Variants in PPEF1 observed in about 807,000 individuals in gnomAD.
PPEF1 encodes the protein serine/threonine-protein phosphatase with EF-hands 1.
A neutral mutation model predicts 53.3 loss-of-function variants in PPEF1; 12 were observed. The ratio of observed to expected loss-of-function variants is 0.23; its 90% CI spans 0.14 to 0.36. The LOEUF is 0.36. Ranked by LOEUF, PPEF1 falls within the 10% of genes least tolerant of loss-of-function variation. The pLI is 1.00. For synonymous variants in PPEF1, 165 were observed against 176.7 expected, an observed-to-expected ratio of 0.93 and a Z score of 0.52; for missense variants, 334 against 490.4, an observed-to-expected ratio of 0.68 and a Z score of 3.01.
At chrX:18,683,858 A>G (rs776007850) in intron 1 of PPEF1, among the ~76,000 whole-genome samples, 60 of 112,294 alleles carry the variant, frequency 5.3e-4, no homozygotes, top group African/African-American at 1.8e-3. Flanking sequence ...AGAAAGCTGC[A>G]TGGCTTGGCC....
intron 5 of PPEF1, among the ~76,000 whole-genome samples, chrX:18,760,661 G>A (rs1294704799): frequency 9.1e-6 from 1 of 110,358 alleles, no homozygotes; most frequent in Non-Finnish European, 1.9e-5. Flanking sequence ...AGGCTGGAGT[G>A]TGGTGGCATG....
intron 12 of PPEF1, among the ~76,000 whole-genome samples, chrX:18,809,432 G>T (rs918965283): frequency 9.0e-6 from 1 of 110,730 alleles, no homozygotes; most frequent in African/African-American, 3.3e-5. Context: ...TTGGCCAAGC[G>T]CAGTGGCTCA....
At chrX:18,739,669 C>T (rs2045095021) in intron 3 of PPEF1, among the ~76,000 whole-genome samples, 1 of 112,173 alleles carries the variant, frequency 8.9e-6, no homozygotes, top group African/African-American at 3.2e-5. Flanking sequence ...AGCTGTCAGA[C>T]AGGGATGTTT....
chrX:18,739,968 G>C lies in PPEF1; in HGVS notation c.235+6160G>C, dbSNP rs1004066279. Among the ~76,000 whole-genome samples, 6 of 112,565 alleles carry C rather than the reference G, an allele frequency of 5.3e-5. No individual in the cohort carries two copies. In the East Asian group the frequency reaches 1.7e-3, roughly 32 times the overall value. ...GATATAATCTCCTAGTGTGCCATTTGCTAAGACCATTGGAAAAGTGCAGTA... is the reference window on the plus strand; with the variant it reads ...GATATAATCTCCTAGTGTGCCATTTCCTAAGACCATTGGAAAAGTGCAGTA... On this transcript the variant is annotated intron_variant, in intron 3 of 15. Coordinates refer to ENST00000470157, the MANE Select transcript of PPEF1 (RefSeq NM_001377996.1).
chrX:18,697,375 AAAG>A (rs1929788805), intron 4 of PPEF1, among the ~76,000 whole-genome samples: 1 of 111,254 alleles, frequency 9.0e-6, no homozygotes, highest in African/African-American at 3.3e-5. Flanking sequence ...TATCATTAGG[AAAG>A]AAGTTCATTT....
intron 1 of PPEF1, among the ~76,000 whole-genome samples, chrX:18,677,624 G>A (rs916572039): frequency 4.5e-5 from 5 of 111,243 alleles, no homozygotes; most frequent in African/African-American, 1.6e-4. Flanking sequence ...CCCTAATCTC[G>A]GTTACAGCTG....
At chrX:18,826,941 C>G (rs767446193) in intron 15 of PPEF1, among the ~76,000 whole-genome samples, 4 of 110,932 alleles carry the variant, frequency 3.6e-5, no homozygotes, top group Non-Finnish European at 7.5e-5. Context: ...TTGATGTCAT[C>G]CTCCTCTCTG....
chrX:18,781,520 G>T (rs1000954625), intron 7 of PPEF1, among the ~76,000 whole-genome samples: 1 of 111,669 alleles, frequency 9.0e-6, no homozygotes, highest in Non-Finnish European at 1.9e-5. Flanking sequence ...TAGAAGGATG[G>T]TAGAGTCAGC....
intron 12 of PPEF1, 47 bp downstream of exon 12, chrX:18,806,592 A>G (rs1438867329): frequency 9.1e-7 from 1 of 1,104,257 alleles, no homozygotes; most frequent in African/African-American, 1.8e-5. Context: ...TCACGGACCC[A>G]TTAGAACCAG....
chrX:18,820,218 T>G (rs2047004471), intron 13 of PPEF1, among the ~76,000 whole-genome samples: 1 of 111,790 alleles, frequency 8.9e-6, no homozygotes, highest in Non-Finnish European at 1.9e-5. Context: ...ATTATGCCAA[T>G]TGAATCCATT....
chrX:18,734,987 C>T (rs1409402489), intron 3 of PPEF1, among the ~76,000 whole-genome samples: 1 of 111,909 alleles, frequency 8.9e-6, no homozygotes, highest in African/African-American at 3.2e-5. Context: ...TTGATTTTTT[C>T]TTGTAAATTT....
At chrX:18,757,802 T>G in intron 5 of PPEF1, 61 bp downstream of exon 5, 1 of 854,135 alleles carries the variant, frequency 1.2e-6, no homozygotes. Context: ...CTACATCGTT[T>G]GCCTAACTTG....
intron 1 of PPEF1, among the ~76,000 whole-genome samples, chrX:18,729,804 A>T (rs760037424): frequency 8.9e-6 from 1 of 112,489 alleles, no homozygotes; most frequent in Non-Finnish European, 1.9e-5. Flanking sequence ...TCATAGATTT[A>T]CTATGCTTAA....
chrX:18,695,170 T>C (rs1929642451), intron 4 of PPEF1, among the ~76,000 whole-genome samples: 1 of 111,479 alleles, frequency 9.0e-6, no homozygotes, highest in African/African-American at 3.3e-5. Context: ...TTGACAAGAG[T>C]CAGTTCCTCA....
intron 4 of PPEF1, among the ~76,000 whole-genome samples, chrX:18,696,160 T>G (rs1929704572): frequency 9.0e-6 from 1 of 110,793 alleles, no homozygotes; most frequent in African/African-American, 3.3e-5. Context: ...CTTCGATTTT[T>G]TTTTTCTTTT....
intron 9 of PPEF1, among the ~76,000 whole-genome samples, chrX:18,786,797 A>G (rs1240251305): frequency 5.0e-5 from 2 of 40,279 alleles, no homozygotes; most frequent in Admixed American, 3.5e-4. Context: ...AAAAAAAAAA[A>G]AAAGAAAAGA....
chrX:18,809,371 G>T (rs1007234699), intron 12 of PPEF1, among the ~76,000 whole-genome samples: 5 of 110,285 alleles, frequency 4.5e-5, no homozygotes, highest in South Asian at 3.8e-4. Context: ...ACAAGAAGAA[G>T]TCTGTACATG....
chrX:18,806,627 G>A lies in PPEF1; in HGVS notation c.1394+82G>A, dbSNP rs756577881. 1.2e-4 allele frequency: 116 copies of A among 928,943 alleles called. 1 individual carries two copies. Among genetic ancestry groups the A allele is most frequent in the Middle Eastern group, 3.1e-4 (1 of 3,205 alleles). The allele number at this position is 928,943 out of a possible 1,213,427, so 76.6% of individuals were successfully genotyped here. Reference sequence around the variant, plus strand: ...GTCCCACGTGACTAAGAGCAGCCACGTGAGTGAAGAGAGTCATTTATAGCT... The same window carrying A: ...GTCCCACGTGACTAAGAGCAGCCACATGAGTGAAGAGAGTCATTTATAGCT... On this transcript the variant is annotated intron_variant, in intron 12 of 15. Coordinates refer to ENST00000470157, the MANE Select transcript of PPEF1 (RefSeq NM_001377996.1).
intron 4 of PPEF1, among the ~76,000 whole-genome samples, chrX:18,751,852 A>G (rs1022175657): frequency 1.1e-4 from 12 of 112,465 alleles, no homozygotes; most frequent in African/African-American, 3.9e-4. Flanking sequence ...GTTCTATTCT[A>G]TTGGTCTATG....
Sources: gnomAD v4.1 joint callset for allele counts (sites outside exome capture counted in the v4.1 genomes callset) on GRCh38, gnomAD v4.1.1 for gene constraint, MANE v1.5 for transcripts, NCBI Gene and HGNC (gene_info 2026-07-23, HGNC 2026-07-21) for gene names.